ZBTB40: variants seen among roughly 807,000 people sequenced by gnomAD.
ZBTB40 encodes zinc finger and BTB domain-containing protein 40.
In ZBTB40, 60 loss-of-function variants were observed where a neutral mutation model predicts 117.5. That is an observed-to-expected ratio of 0.51 (90% CI 0.41 to 0.63). The LOEUF (loss-of-function observed/expected upper bound fraction) is 0.63, where lower values mean the gene tolerates loss of function less well. ZBTB40 is among the 30% of genes least tolerant of loss of function. The pLI is 0.00. For missense variants in ZBTB40, 1,287 were observed against 1,498.5 expected, an observed-to-expected ratio of 0.86 and a Z score of 2.33; for synonymous variants, 525 against 577.1, an observed-to-expected ratio of 0.91 and a Z score of 1.29.
intron 9 of ZBTB40, 35 bp downstream of exon 9, chr1:22,509,268 T>G (rs759443682): frequency 6.2e-7 from 1 of 1,613,748 alleles, no homozygotes. Context: ...TGCCAGAGAG[T>G]TTTACAGTTG....
At chr1:22,440,727 A>G (rs1007506612) in intron 1 of ZBTB40, among the ~76,000 whole-genome samples, 2 of 151,932 alleles carry the variant, frequency 1.3e-5, no homozygotes, top group Non-Finnish European at 2.9e-5. Context: ...TAGATGATCA[A>G]CTGAGATAAT....
In ZBTB40 at chr1:22,438,532, C is replaced by T. The variant is rs1640697981; in HGVS notation, c.-70+9518C>T. ...ACCCTGCTTTCAATTTTGGAGTATA[C>T]ACCCAGAAGTGGAATTGCTGGATCA... On this transcript the variant is annotated intron_variant, in intron 1 of 8. Coordinates refer to the ZBTB40 transcript ENST00000650433. Among the ~76,000 whole-genome samples, 2 of 152,144 alleles carry T rather than the reference C, an allele frequency of 1.3e-5. 1 individual carries two copies. Among genetic ancestry groups the T allele is most frequent in the East Asian group, 3.9e-4 (2 of 5,182 alleles).
intron 8 of ZBTB40, 56 bp from the exon 9 acceptor site, chr1:22,509,043 AG>A: frequency 6.2e-7 from 1 of 1,613,882 alleles, no homozygotes; most frequent in African/African-American, 1.3e-5. Context: ...GGAAGGGTGT[AG>A]GAAAAAATGG....
In ZBTB40 at chr1:22,512,965, C is replaced by A. The variant is rs750241632; in HGVS notation, c.2503C>A (p.Pro835Thr). Residue 835 changes from proline to threonine, a missense_variant, in exon 12 of 18, where the codon CCT becomes ACT. Around this residue, in one of 2 missense-constraint regions of ZBTB40, gnomAD observed 417 missense variants for 564.1 expected, o/e 0.74. Coordinates refer to ENST00000375647, the MANE Select transcript of ZBTB40 (RefSeq NM_014870.4). Reference protein sequence around the residue: ...HKLTEHFDEKPFSCEECGAKF... With the variant: ...HKLTEHFDEKTFSCEECGAKF... The stretch of plus-strand genomic sequence containing the variant: ...GCTGACAGAGCACTTCGATGAGAAG[C>A]CTTTCTCCTGTGAAGAGTGTGGGGC... 6.2e-7 allele frequency: 1 copy of A among 1,614,228 alleles called. No homozygotes were observed. The highest frequency in any genetic ancestry group is 8.5e-7 in the Non-Finnish European group (1 of 1,180,040).
intron 1 of ZBTB40, among the ~76,000 whole-genome samples, chr1:22,454,103 C>G (rs1569762908): frequency 6.6e-6 from 1 of 152,266 alleles, no homozygotes; most frequent in African/African-American, 2.4e-5. Flanking sequence ...GCATGTGCCA[C>G]GACACCCGGC....
intron 1 of ZBTB40, among the ~76,000 whole-genome samples, chr1:22,481,034 C>T (rs754319071): frequency 2.6e-4 from 39 of 152,162 alleles, no homozygotes; most frequent in Non-Finnish European, 5.3e-4. Flanking sequence ...AGGGCCTGTA[C>T]AGGAGTTTGA....
intron 1 of ZBTB40, among the ~76,000 whole-genome samples, chr1:22,487,139 GA>G (rs2124425875): frequency 6.6e-6 from 1 of 152,296 alleles, no homozygotes; most frequent in East Asian, 1.9e-4. Flanking sequence ...ACGAATTAAA[GA>G]AGAGTTGTTG....
chr1:22,531,026 A>G lies in ZBTB40; in HGVS notation c.*4630A>G, dbSNP rs1209036378. On this transcript the variant is annotated 3_prime_UTR_variant, in exon 18 of 18. Transcript: ENST00000375647. ...CTGAGCTCCCTCCTCCTGGCTCCCA[A>G]CTTTATTATAAAATGGGGAAAATGA... The G allele has an allele frequency of 6.6e-6, 1 of 151,614 alleles. No homozygotes were observed. The highest frequency in any genetic ancestry group is 1.5e-5 in the Non-Finnish European group (1 of 68,038). 9.4% of individuals were successfully genotyped at this position (151,614 alleles called of 1,614,324 possible). A position where few individuals can be genotyped will look rare whatever the true frequency, so the allele number is the denominator to read the frequency against.
chr1:22,526,976 A>C lies in ZBTB40; in HGVS notation c.*580A>C, dbSNP rs1446926770. On this transcript the variant is annotated 3_prime_UTR_variant, in exon 18 of 18. Coordinates refer to ENST00000375647, the MANE Select transcript of ZBTB40 (RefSeq NM_014870.4). ...CCCCCTCCACCCAGTGGCCACGCCC[A>C]GCACCCTATTGATGGCTATAGGACA... 5.1e-6 allele frequency: 1 copy of C among 195,706 alleles called. No homozygotes were observed. The highest frequency in any genetic ancestry group is 1.1e-5 in the Non-Finnish European group (1 of 93,654). 12.1% of individuals were successfully genotyped at this position (195,706 alleles called of 1,614,324 possible).
chr1:22,473,277 A>G (rs931040117), intron 1 of ZBTB40, among the ~76,000 whole-genome samples: 2 of 152,130 alleles, frequency 1.3e-5, no homozygotes. Flanking sequence ...ATTCTTATGC[A>G]CATTAAAGTG....
chr1:22,453,016 G>A (rs2124378010), intron 1 of ZBTB40: 1 of 152,360 alleles, frequency 6.6e-6, no homozygotes, highest in South Asian at 2.1e-4. Flanking sequence ...ATGTATAGGT[G>A]TACTAGGTTA....
At chr1:22,469,498 C>T (rs1456554114) in intron 1 of ZBTB40, among the ~76,000 whole-genome samples, 1 of 152,048 alleles carries the variant, frequency 6.6e-6, no homozygotes, top group Admixed American at 6.6e-5. Context: ...TTAATAGTCA[C>T]CTAAATGTTT....
At chr1:22,475,700 A>G (rs768912266) in intron 1 of ZBTB40, among the ~76,000 whole-genome samples, 1 of 151,704 alleles carries the variant, frequency 6.6e-6, no homozygotes, top group Non-Finnish European at 1.5e-5. Flanking sequence ...TTCTTTTAAG[A>G]GTTCTCTTTT....
Position 22,517,360 on chromosome 1 carries a change from G to T in ZBTB40, c.2729G>T (p.Arg910Leu). ...AVFAQSIELS[R>L]HVRTHTGDKP... ...TTTGCCCAGTCTATTGAGCTGTCCCGCCACGTGAGGACCCACACCGGGGAC... is the reference window on the plus strand; with the variant it reads ...TTTGCCCAGTCTATTGAGCTGTCCCTCCACGTGAGGACCCACACCGGGGAC... The change falls in exon 13 of 18, where the codon CGC becomes CTC. Residue 910 changes from arginine (R) to leucine (L), a missense_variant. Physicochemically the swap from Arg to Leu is moderately radical, Grantham distance 102. Coordinates refer to ENST00000375647, the MANE Select transcript of ZBTB40 (RefSeq NM_014870.4). 6.2e-7 allele frequency: 1 copy of T among 1,614,134 alleles called. No individual in the cohort carries two copies. Among genetic ancestry groups the T allele is most frequent in the Non-Finnish European group, 8.5e-7 (1 of 1,180,032 alleles).
Position 22,511,683 on chromosome 1 carries a change from T to C in ZBTB40, c.2010T>C (p.Leu670=), listed in dbSNP as rs1639239509. ...VMQELAYIGV[L]TKEDGEKETW... ...GATGTCTCTTTTATGCAGGTGTCCT[T>C]ACTAAGGAAGATGGAGAGAAGGAAA... The change falls in exon 11 of 18, where the codon CTT becomes CTC. Residue 670 remains leucine (L), a synonymous_variant. Transcript: ENST00000375647. The C allele has an allele frequency of 6.2e-7, 1 of 1,610,862 alleles. No individual in the cohort carries two copies.
At chr1:22,517,181 T>G in intron 12 of ZBTB40, 119 bp from the exon 13 acceptor site, 1 of 1,407,526 alleles carries the variant, frequency 7.1e-7, no homozygotes, top group Non-Finnish European at 9.9e-7. Context: ...GACTGCCTGA[T>G]GTTTTAATGT....
At chr1:22,488,808 G>T (rs1041418798) in intron 1 of ZBTB40, among the ~76,000 whole-genome samples, 6 of 152,154 alleles carry the variant, frequency 3.9e-5, no homozygotes, top group Non-Finnish European at 8.8e-5. Flanking sequence ...ATGAGGTAGG[G>T]GTAGCAGTAG....
chr1:22,466,624 C>T (rs918707889), intron 1 of ZBTB40, among the ~76,000 whole-genome samples: 4 of 152,162 alleles, frequency 2.6e-5, no homozygotes, highest in Non-Finnish European at 5.9e-5. Context: ...CAGTTTTGAT[C>T]TGCATTTACT....
At chr1:22,451,415 A>G (rs1328383520), upstream of ZBTB40, among the ~76,000 whole-genome samples, 1 of 152,088 alleles carries the variant, frequency 6.6e-6, no homozygotes, top group Non-Finnish European at 1.5e-5. Context: ...CAGGTGGATC[A>G]TCTGGGCTCA....
Sources: gnomAD v4.1 joint callset for allele counts (sites outside exome capture counted in the v4.1 genomes callset) on GRCh38, gnomAD v4.1.1 for gene constraint, gnomAD v4.1.1 regional missense constraint, MANE v1.5 for transcripts, NCBI Gene and HGNC (gene_info 2026-07-23, HGNC 2026-07-21) for gene names.